Variants in C12orf56 observed in about 807,000 individuals in gnomAD.
C12orf56 encodes uncharacterized protein C12orf56.
A neutral mutation model predicts 69.9 loss-of-function variants in C12orf56; 71 were observed. That is an observed-to-expected ratio of 1.02 (90% confidence interval 0.84 to 1.24). The LOEUF (loss-of-function observed/expected upper bound fraction) is 1.24, where lower values mean the gene tolerates loss of function less well. Among genes scored for constraint, C12orf56 ranks in the 50% most tolerant of loss-of-function variants. C12orf56 has a pLI of 0.00. For synonymous variants in C12orf56, 276 were observed against 274.1 expected, an observed-to-expected ratio of 1.01 and a Z score of -0.07; for missense variants, 732 against 738.5, an observed-to-expected ratio of 0.99 and a Z score of 0.10.
chr12:64,361,555 T>G (rs1331729079), intron 1 of C12orf56, among the ~76,000 whole-genome samples: 1 of 152,170 alleles, frequency 6.6e-6, no homozygotes, highest in East Asian at 1.9e-4. Context: ...TTCCCACCAG[T>G]GCCACGACAG....
chr12:64,266,818 G>T lies in C12orf56; in HGVS notation c.*365C>A, dbSNP rs2037923917. 7.0e-6 allele frequency: 2 copies of T among 286,768 alleles called. No homozygotes were observed. The highest frequency in any genetic ancestry group is 1.3e-5 in the Non-Finnish European group (2 of 151,920). 17.8% of individuals were successfully genotyped at this position (286,768 alleles called of 1,614,324 possible). On this transcript the variant is annotated 3_prime_UTR_variant, in exon 13 of 13. Transcript: ENST00000543942. ...GAATTTTGAGAACCTTCTTGCTTTT[G>T]CTGCTAAGGTGGAAGAGAAGTGAGT... is the stretch of plus-strand genomic sequence containing the variant.
chr12:64,387,832 A>C (rs1016197365), intron 1 of C12orf56, among the ~76,000 whole-genome samples: 3 of 152,138 alleles, frequency 2.0e-5, no homozygotes, highest in Non-Finnish European at 4.4e-5. Context: ...AAAACAAAAC[A>C]AAAAAACAAG....
At chr12:64,324,547 A>G (rs1471135386) in intron 3 of C12orf56, among the ~76,000 whole-genome samples, 3 of 152,232 alleles carry the variant, frequency 2.0e-5, no homozygotes, top group East Asian at 3.8e-4. Context: ...TGAGCTGGAA[A>G]GAGTTTGCAG....
chr12:64,360,685 A>G (rs2039388351), intron 1 of C12orf56, among the ~76,000 whole-genome samples: 1 of 152,238 alleles, frequency 6.6e-6, no homozygotes, highest in African/African-American at 2.4e-5. Context: ...CTCATGTTTC[A>G]TATAACATTG....
At chr12:64,352,435 T>C (rs2135950474) in intron 2 of C12orf56, 1 of 152,632 alleles carries the variant, frequency 6.6e-6, no homozygotes, top group South Asian at 2.1e-4. Flanking sequence ...CCCTTATTCT[T>C]ATTCTAATGG....
At chr12:64,385,628 C>A (rs1444961213) in intron 1 of C12orf56, among the ~76,000 whole-genome samples, 1 of 152,014 alleles carries the variant, frequency 6.6e-6, no homozygotes, top group African/African-American at 2.4e-5. Flanking sequence ...TGGCCCCCAC[C>A]CAGGAACTGA....
rs150583948 is a variant in C12orf56, at chr12:64,337,787, G to A, written c.416-6755C>T. Among the ~76,000 whole-genome samples the A allele has an allele frequency of 6.1e-3, 919 of 150,600 alleles. 11 individuals are homozygous for A. The highest frequency in any genetic ancestry group is 0.021 in the African/African-American group (874 of 40,964). On this transcript the variant is annotated intron_variant, in intron 2 of 12. Transcript: ENST00000543942. ...CACAAGAATCACTTGAACCTGAGGG[G>A]TGGAGGTTGCAGTGAGCTGAGATCA...
chr12:64,303,885 A>G lies in C12orf56; in HGVS notation c.969-106T>C, dbSNP rs1592435078. 4.7e-6 allele frequency: 6 copies of G among 1,265,790 alleles called. No individual in the cohort carries two copies. In the Admixed American group the frequency reaches 1.7e-4, roughly 36 times the overall value. 78.4% of individuals were successfully genotyped at this position (1,265,790 alleles called of 1,614,324 possible). A position where few individuals can be genotyped will look rare whatever the true frequency, so the allele number is the denominator to read the frequency against. On this transcript the variant is annotated intron_variant, in intron 5 of 12. Coordinates refer to ENST00000543942, the MANE Select transcript of C12orf56 (RefSeq NM_001170633.2). The stretch of plus-strand genomic sequence containing the variant: ...TTTGTTAAACTTTGTTACTAATGGG[A>G]TTTTAATATAGTTTTATTCTCCTAG...
chr12:64,389,745 C>T (rs1371747779), intron 1 of C12orf56, among the ~76,000 whole-genome samples: 1 of 152,184 alleles, frequency 6.6e-6, no homozygotes, highest in Admixed American at 6.5e-5. Flanking sequence ...GATCTATCCA[C>T]CTTGGCCTCC....
chr12:64,348,072 G>A (rs1202327086), intron 2 of C12orf56, among the ~76,000 whole-genome samples: 1 of 151,798 alleles, frequency 6.6e-6, no homozygotes, highest in Admixed American at 6.6e-5. Flanking sequence ...TGAAGACAGG[G>A]GTTGGAGATC....
intron 4 of C12orf56, among the ~76,000 whole-genome samples, 172 bp downstream of exon 4, chr12:64,318,403 G>A (rs1213008564): frequency 1.3e-5 from 2 of 151,836 alleles, no homozygotes; most frequent in East Asian, 1.9e-4. Context: ...TATTGCAATC[G>A]CCTAAATAAA....
intron 1 of C12orf56, among the ~76,000 whole-genome samples, chr12:64,353,366 C>T (rs10748010): frequency 0.52 from 78,589 of 151,882 alleles, 21,505 homozygotes; most frequent in East Asian, 0.63. Context: ...CCATGTTGGC[C>T]AGGCTGGTCT....
In C12orf56 at chr12:64,267,929, G is replaced by A. The variant is rs553382952; in HGVS notation, c.1764-641C>T. On this transcript the variant is annotated intron_variant, in intron 12 of 12. Coordinates refer to ENST00000543942, the MANE Select transcript of C12orf56 (RefSeq NM_001170633.2). ...ATCCAAAATGATTGCAATCAGATGT[G>A]TTTCGGATTTCAGATTTTTTCAGAT... Among the ~76,000 whole-genome samples, 11 of 152,166 alleles carry A rather than the reference G, an allele frequency of 7.2e-5. No homozygotes were observed. In the South Asian group the frequency reaches 2.3e-3, roughly 32 times the overall value.
intron 6 of C12orf56, among the ~76,000 whole-genome samples, chr12:64,293,783 A>T (rs1411100222): frequency 6.6e-6 from 1 of 152,202 alleles, no homozygotes; most frequent in Non-Finnish European, 1.5e-5. Flanking sequence ...GCAGAATTCC[A>T]TGTAAGTGCA....
intron 7 of C12orf56, among the ~76,000 whole-genome samples, chr12:64,285,184 TA>T (rs5798744): frequency 0.94 from 136,688 of 145,292 alleles, 64,639 homozygotes; most frequent in East Asian, 1. Context: ...AGAACTTTTC[TA>T]AAAAAAAAAA....
chr12:64,333,541 G>A lies in C12orf56; in HGVS notation c.416-2509C>T, dbSNP rs140967108. Reference sequence around the variant, plus strand: ...TTTTTGAGAAGAGTCTCACTCTGTCGCCCAGGCTGGAGTGCAGTGGCACAA... The same window carrying A: ...TTTTTGAGAAGAGTCTCACTCTGTCACCCAGGCTGGAGTGCAGTGGCACAA... On this transcript the variant is annotated intron_variant, in intron 2 of 12. Coordinates refer to ENST00000543942, the MANE Select transcript of C12orf56 (RefSeq NM_001170633.2). 2.7e-3 allele frequency among the ~76,000 whole-genome samples: 414 copies of A among 151,154 alleles called. 1 individual carries two copies. Among genetic ancestry groups the A allele is most frequent in the African/African-American group, 9.3e-3 (384 of 41,132 alleles).
intron 2 of C12orf56, among the ~76,000 whole-genome samples, chr12:64,331,885 C>G (rs1199478066): frequency 6.6e-6 from 1 of 151,872 alleles, no homozygotes; most frequent in Admixed American, 6.6e-5. Context: ...GTCTTTCCAG[C>G]CTCTCCCTTT....
At chr12:64,282,862 G>T (rs1450382348) in intron 8 of C12orf56, among the ~76,000 whole-genome samples, 3 of 151,970 alleles carry the variant, frequency 2.0e-5, no homozygotes, top group African/African-American at 4.8e-5. Flanking sequence ...TAATTAATGA[G>T]GCCGGGCGTG....
intron 1 of C12orf56, among the ~76,000 whole-genome samples, chr12:64,367,865 T>C (rs1368826478): frequency 6.7e-6 from 1 of 150,346 alleles, no homozygotes; most frequent in Non-Finnish European, 1.5e-5. Context: ...TGGAGTGCAG[T>C]GGCACAATCT....
Sources: allele counts gnomAD v4.1 joint callset (sites outside exome capture counted in the v4.1 genomes callset), GRCh38; gene constraint gnomAD v4.1.1; transcripts MANE v1.5; gene names NCBI Gene and HGNC (gene_info 2026-07-23, HGNC 2026-07-21).